Variants in MAST3 observed in about 807,000 individuals in gnomAD.
MAST3 encodes microtubule-associated serine/threonine-protein kinase 3.
In MAST3, 43 loss-of-function variants were observed where a neutral mutation model predicts 127.0. The observed-to-expected ratio is 0.34, with a 90% confidence interval of 0.27 to 0.44. The LOEUF is 0.44. Ranked by LOEUF, MAST3 falls within the 20% of genes least tolerant of loss-of-function variation. The probability of loss-of-function intolerance (pLI) is 1.00; values close to 1 mark genes in which losing one functional copy is unlikely to be tolerated. For missense variants in MAST3, 1,390 were observed against 1,919.1 expected, an observed-to-expected ratio of 0.72 and a Z score of 5.15; for synonymous variants, 785 against 809.2, an observed-to-expected ratio of 0.97 and a Z score of 0.51.
At chr19:18,122,792 C>T (rs747905691) in intron 6 of MAST3, 41 bp downstream of exon 6, 22 of 1,585,754 alleles carry the variant, frequency 1.4e-5, no homozygotes, top group African/African-American at 1.3e-4. Flanking sequence ...AGGCAGATGC[C>T]GGGTTGTGGG....
intron 21 of MAST3, among the ~76,000 whole-genome samples, chr19:18,143,256 A>G (rs2042702681): frequency 6.6e-6 from 1 of 151,888 alleles, no homozygotes; most frequent in African/African-American, 2.4e-5. Context: ...CAGCCACTGC[A>G]CCCAGCCTGG....
chr19:18,141,806 T>G (rs1251927316), intron 20 of MAST3, 76 bp from the exon 21 acceptor site: 6 of 1,208,122 alleles, frequency 5.0e-6, no homozygotes, highest in Admixed American at 3.7e-5. Flanking sequence ...TCCTCCCAGC[T>G]GGGCCTCTGA....
intron 1 of MAST3, among the ~76,000 whole-genome samples, chr19:18,099,703 G>T (rs933698180): frequency 3.9e-5 from 6 of 152,214 alleles, no homozygotes; most frequent in Admixed American, 3.9e-4. Context: ...GATGAGCACG[G>T]ATTCCCCGAC....
intron 1 of MAST3, among the ~76,000 whole-genome samples, chr19:18,106,224 A>T (rs2038059620): frequency 1.3e-5 from 2 of 151,964 alleles, no homozygotes; most frequent in Non-Finnish European, 2.9e-5. Flanking sequence ...AGTAGCTGGG[A>T]TTGCAGGCGT....
chr19:18,121,664 T>C (rs773048720), intron 3 of MAST3, 21 bp from the exon 4 acceptor site: 1 of 1,610,330 alleles, frequency 6.2e-7, no homozygotes, highest in African/African-American at 1.3e-5. Context: ...CCACCTACCC[T>C]GTCCCCTTTT....
intron 3 of MAST3, among the ~76,000 whole-genome samples, chr19:18,113,401 AG>A (rs921274535): frequency 6.6e-6 from 1 of 151,780 alleles, no homozygotes; most frequent in African/African-American, 2.4e-5. Flanking sequence ...CTCCTGCCTC[AG>A]CCTCCTGAGT....
chr19:18,123,203 C>T lies in MAST3; in HGVS notation c.400-14C>T, dbSNP rs572796580. The T allele has an allele frequency of 4.6e-5, 75 of 1,613,050 alleles. No individual in the cohort carries two copies. The Middle Eastern group carries it at 9.9e-4, about 21-fold the overall frequency. The stretch of plus-strand genomic sequence containing the variant: ...GGTGAACTCATGGCTCTGATCCCCA[C>T]CACTCTCTACCAGTCAAGCTCATCC... On this transcript the variant is annotated splice_polypyrimidine_tract_variant and intron_variant, in intron 6 of 27. Coordinates refer to ENST00000687212, the MANE Select transcript of MAST3 (RefSeq NM_001393504.1).
intron 3 of MAST3, among the ~76,000 whole-genome samples, chr19:18,121,349 G>A (rs1021103907): frequency 6.6e-6 from 1 of 152,050 alleles, no homozygotes; most frequent in Non-Finnish European, 1.5e-5. Flanking sequence ...TAGAGACGGG[G>A]TCTTGCTATG....
intron 1 of MAST3, among the ~76,000 whole-genome samples, chr19:18,106,141 G>T (rs899073287): frequency 3.3e-5 from 5 of 152,092 alleles, no homozygotes; most frequent in Admixed American, 2.6e-4. Flanking sequence ...AGACTAGAGT[G>T]CAATGGTATT....
intron 3 of MAST3, among the ~76,000 whole-genome samples, chr19:18,120,209 A>G (rs2039802726): frequency 6.6e-6 from 1 of 152,154 alleles, no homozygotes; most frequent in Non-Finnish European, 1.5e-5. Flanking sequence ...GGTTGCATTT[A>G]GGGTTTCTAG....
intron 18 of MAST3, among the ~76,000 whole-genome samples, chr19:18,136,782 G>A (rs1004119487): frequency 1.3e-5 from 2 of 151,978 alleles, no homozygotes; most frequent in African/African-American, 2.4e-5. Flanking sequence ...AAATGACAGC[G>A]GATTTTTGTT....
chr19:18,105,644 G>T (rs2038011963), intron 1 of MAST3, among the ~76,000 whole-genome samples: 1 of 151,784 alleles, frequency 6.6e-6, no homozygotes, highest in South Asian at 2.1e-4. Context: ...TTGCACTCCA[G>T]CCTGGGCAAC....
intron 2 of MAST3, among the ~76,000 whole-genome samples, chr19:18,108,186 A>T (rs189451406): frequency 6.6e-6 from 1 of 152,104 alleles, no homozygotes; most frequent in East Asian, 1.9e-4. Context: ...CCAGGTACTC[A>T]GGAGGCTGAG....
At chr19:18,118,014 G>A (rs2039491110) in intron 3 of MAST3, 19 of 694,088 alleles carry the variant, frequency 2.7e-5, no homozygotes, top group Non-Finnish European at 3.4e-5. Flanking sequence ...GTCGCGCTCG[G>A]GGGCGCGCGC....
chr19:18,138,393 T>G (rs1050489918), intron 19 of MAST3, among the ~76,000 whole-genome samples: 2 of 150,636 alleles, frequency 1.3e-5, no homozygotes, highest in Non-Finnish European at 3.0e-5. Flanking sequence ...CTCGGCTTAC[T>G]GGAACTTCTA....
intron 3 of MAST3, among the ~76,000 whole-genome samples, chr19:18,116,927 T>G (rs147140555): frequency 0.024 from 3,570 of 149,242 alleles, 103 homozygotes; most frequent in Admixed American, 0.07. Flanking sequence ...AAAAAAAAAT[T>G]TGTCTCTTTA....
chr19:18,137,510 T>C (rs1174538789), intron 19 of MAST3, 149 bp downstream of exon 19: 1 of 928,736 alleles, frequency 1.1e-6, no homozygotes, highest in African/African-American at 1.7e-5. Flanking sequence ...CTTCCAAGAA[T>C]CTAGGGCGTG....
At position 18,149,898 on chromosome 19, in the gene MAST3, T is replaced by A. The variant is rs946310828; in HGVS notation, c.*172T>A. 6.6e-5 allele frequency: 48 copies of A among 724,788 alleles called. No homozygotes were observed. The African/African-American group carries it at 2.6e-3, about 39-fold the overall frequency. 44.9% of individuals were successfully genotyped at this position (724,788 alleles called of 1,614,324 possible). A position where few individuals can be genotyped will look rare whatever the true frequency, so the allele number is the denominator to read the frequency against. On this transcript the variant is annotated 3_prime_UTR_variant, in exon 28 of 28. Transcript: ENST00000687212. The surrounding 1 kb of genome is among the most constrained non-coding windows in gnomAD (Gnocchi z 5.9). ...GACATCGCTTGTGTTCTGGTGTCAATCGGGGCTGGATGGGGCAAGAATGGG... is the reference window on the plus strand; with the variant it reads ...GACATCGCTTGTGTTCTGGTGTCAAACGGGGCTGGATGGGGCAAGAATGGG...
chr19:18,118,037 G>GC (rs1172273968), intron 3 of MAST3: 30 of 881,590 alleles, frequency 3.4e-5, no homozygotes, highest in South Asian at 1.0e-4. Context: ...CCTTCTCGCC[G>GC]CCCCCCCATC....
Sources: allele counts gnomAD v4.1 joint callset (sites outside exome capture counted in the v4.1 genomes callset), GRCh38; gene constraint gnomAD v4.1.1; non-coding constraint Gnocchi (gnomAD v3.1); transcripts MANE v1.5; gene names NCBI Gene and HGNC (gene_info 2026-07-23, HGNC 2026-07-21).